The following IMMP2L variants were observed in gnomAD, a reference collection of about 807,000 sequenced individuals.
IMMP2L encodes the protein inner mitochondrial membrane peptidase subunit 2, also known as mitochondrial inner membrane protease subunit 2.
IMMP2L carries 18 observed loss-of-function variants against 19.3 expected under a neutral mutation model. That is an observed-to-expected ratio of 0.93 (90% CI 0.64 to 1.38). The LOEUF (loss-of-function observed/expected upper bound fraction) is 1.38. Among genes scored for constraint, IMMP2L ranks in the 40% most tolerant of loss-of-function variants. The pLI is 0.00. For missense variants in IMMP2L, 233 were observed against 218.2 expected (o/e 1.07, Z -0.43); for synonymous variants, 76 against 73.0 (o/e 1.04, Z -0.21).
At chr7:111,501,899 A>C (rs538151748) in intron 2 of IMMP2L, among the ~76,000 whole-genome samples, 2 of 152,308 alleles carry the variant, frequency 1.3e-5, no homozygotes, top group East Asian at 3.9e-4. Flanking sequence ...CAAGGCTAGG[A>C]AGAAACTGCA....
chr7:110,950,769 C>T (rs1021360509), intron 4 of IMMP2L, among the ~76,000 whole-genome samples: 44 of 148,158 alleles, frequency 3.0e-4, no homozygotes, highest in African/African-American at 1.1e-3. Context: ...CCTTACAAAG[C>T]TGTTGAGTTC....
intron 3 of IMMP2L, among the ~76,000 whole-genome samples, chr7:111,095,709 T>C (rs906687653): frequency 2.6e-5 from 4 of 152,030 alleles, no homozygotes; most frequent in African/African-American, 7.2e-5. Context: ...GTTTTAAGGT[T>C]TTCCAAGAAT....
chr7:110,868,220 G>A (rs949976076), intron 5 of IMMP2L, among the ~76,000 whole-genome samples: 4 of 150,782 alleles, frequency 2.7e-5, no homozygotes, highest in African/African-American at 9.7e-5. Flanking sequence ...AAATCAAGCC[G>A]AGACAAAGAA....
chr7:110,733,614 G>A (rs1796421765), intron 5 of IMMP2L, among the ~76,000 whole-genome samples: 1 of 152,154 alleles, frequency 6.6e-6, no homozygotes, highest in Admixed American at 6.5e-5. Flanking sequence ...AAATGTGAAT[G>A]TGTGCTGTGG....
chr7:110,947,919 G>T (rs1445499346), intron 4 of IMMP2L, among the ~76,000 whole-genome samples: 3 of 152,148 alleles, frequency 2.0e-5, no homozygotes, highest in African/African-American at 7.2e-5. Context: ...CAGATGTCCA[G>T]TTGCAGAGCC....
At chr7:110,971,960 C>T (rs886551493) in intron 3 of IMMP2L, among the ~76,000 whole-genome samples, 2 of 152,014 alleles carry the variant, frequency 1.3e-5, no homozygotes, top group African/African-American at 4.8e-5. Context: ...CTCAAAAATG[C>T]TCACTCTCCT....
intron 5 of IMMP2L, among the ~76,000 whole-genome samples, chr7:110,735,263 C>T (rs1036290287): frequency 6.6e-6 from 1 of 152,084 alleles, no homozygotes; most frequent in Admixed American, 6.5e-5. Flanking sequence ...GATGCCCAGC[C>T]CCTTATCAGT....
chr7:110,809,176 C>T (rs2131260980), intron 5 of IMMP2L, among the ~76,000 whole-genome samples: 1 of 152,040 alleles, frequency 6.6e-6, no homozygotes, highest in South Asian at 2.1e-4. Context: ...AAAGCAAAGT[C>T]ATATCAATGA....
intron 3 of IMMP2L, among the ~76,000 whole-genome samples, chr7:111,049,826 G>A (rs568559169): frequency 6.6e-6 from 1 of 152,288 alleles, no homozygotes; most frequent in South Asian, 2.1e-4. Flanking sequence ...GGCCATAAAG[G>A]GACTGAAGAC....
intron 3 of IMMP2L, among the ~76,000 whole-genome samples, chr7:111,085,064 G>C (rs1461723345): frequency 6.6e-6 from 1 of 152,052 alleles, no homozygotes; most frequent in African/African-American, 2.4e-5. Flanking sequence ...CAAGATGAGA[G>C]ACCTTTTTGG....
chr7:111,209,574 T>C lies in IMMP2L; in HGVS notation c.240-246009A>G, dbSNP rs564313518. On this transcript the variant is annotated intron_variant, in intron 3 of 5. Transcript: ENST00000405709. ...ATTTAGCTATATTCAATCAACAAGATTGCTTAGCCAGATAAATAATTACCA... is the reference window on the plus strand; with the variant it reads ...ATTTAGCTATATTCAATCAACAAGACTGCTTAGCCAGATAAATAATTACCA... Among the ~76,000 whole-genome samples the C allele has an allele frequency of 1.4e-3, 219 of 152,218 alleles. 1 individual carries two copies. The highest frequency in any genetic ancestry group is 3.4e-3 in the Middle Eastern group (1 of 294).
chr7:111,515,560 T>C (rs1845806963), intron 2 of IMMP2L, among the ~76,000 whole-genome samples: 1 of 152,172 alleles, frequency 6.6e-6, no homozygotes, highest in Non-Finnish European at 1.5e-5. Context: ...GGAAATGTAT[T>C]CCCCCTTATT....
chr7:110,770,494 C>T (rs1798963486), intron 5 of IMMP2L, among the ~76,000 whole-genome samples: 1 of 152,208 alleles, frequency 6.6e-6, no homozygotes, highest in African/African-American at 2.4e-5. Flanking sequence ...CCTTCCCCCT[C>T]CCAGTCACAC....
At chr7:111,091,903 C>A (rs1020763356) in intron 3 of IMMP2L, among the ~76,000 whole-genome samples, 2 of 152,022 alleles carry the variant, frequency 1.3e-5, no homozygotes, top group East Asian at 3.9e-4. Context: ...AGGAGAGTCA[C>A]GGGTGATGGG....
intron 1 of IMMP2L, among the ~76,000 whole-genome samples, chr7:111,529,947 T>G (rs1000952804): frequency 2.0e-5 from 3 of 152,204 alleles, no homozygotes; most frequent in African/African-American, 4.8e-5. Context: ...TCCTGATTTT[T>G]GGTAAGGACT....
chr7:111,089,952 TTTTG>T (rs1796681620), intron 3 of IMMP2L, among the ~76,000 whole-genome samples: 1 of 151,780 alleles, frequency 6.6e-6, no homozygotes, highest in South Asian at 2.1e-4. Flanking sequence ...GATGTGAAGG[TTTTG>T]TTTTTTTTTT....
intron 3 of IMMP2L, among the ~76,000 whole-genome samples, chr7:111,081,845 G>A (rs952264632): frequency 6.6e-6 from 1 of 152,172 alleles, no homozygotes; most frequent in Non-Finnish European, 1.5e-5. Flanking sequence ...ATCAAAAACA[G>A]GGAGAGGGAT....
intron 5 of IMMP2L, among the ~76,000 whole-genome samples, chr7:110,744,918 G>A (rs1242286904): frequency 6.6e-6 from 1 of 152,112 alleles, no homozygotes; most frequent in Non-Finnish European, 1.5e-5. Context: ...ATTGACAGAC[G>A]TTAAGCTCCA....
chr7:111,254,784 G>A (rs1448223396), intron 3 of IMMP2L, among the ~76,000 whole-genome samples: 1 of 151,972 alleles, frequency 6.6e-6, no homozygotes, highest in Middle Eastern at 3.2e-3. Flanking sequence ...TGTAACACAA[G>A]TTTTGTATCC....
Sources: gnomAD v4.1 joint callset for allele counts (sites outside exome capture counted in the v4.1 genomes callset) on GRCh38, gnomAD v4.1.1 for gene constraint, MANE v1.5 for transcripts, NCBI Gene and HGNC (gene_info 2026-07-23, HGNC 2026-07-21) for gene names.